RAB22A: variants seen among roughly 807,000 people sequenced by gnomAD.
The protein encoded by RAB22A is ras-related protein Rab-22A.
In RAB22A, 13 loss-of-function variants were observed where a neutral mutation model predicts 30.2. The ratio of observed to expected loss-of-function variants is 0.43; its 90% CI spans 0.28 to 0.68. The LOEUF (loss-of-function observed/expected upper bound fraction) is 0.68. RAB22A is among the 30% of genes least tolerant of loss of function. The probability of loss-of-function intolerance (pLI) is 0.18; values close to 1 mark genes in which losing one functional copy is unlikely to be tolerated. For synonymous variants in RAB22A, 89 were observed against 87.2 expected (o/e 1.02, Z -0.11); for missense variants, 177 against 246.8 (o/e 0.72, Z 1.89).
In RAB22A at chr20:58,317,663, A is replaced by G. The variant is rs537910893; in HGVS notation, c.116+6541A>G. ...AAGCTCCGCCTCCCGGGTTCATGCC[A>G]TTCTCCTGCCTCAGCCTCCCGAGTA... On this transcript the variant is annotated intron_variant, in intron 2 of 6. Coordinates refer to ENST00000244040, the MANE Select transcript of RAB22A (RefSeq NM_020673.3). Among the ~76,000 whole-genome samples the G allele has an allele frequency of 2.8e-5, 4 of 140,554 alleles. No individual in the cohort carries two copies. The East Asian group carries it at 8.4e-4, about 30-fold the overall frequency. The allele number at this position is 140,554 out of a possible 152,430, so 92.2% of individuals were successfully genotyped here. A position where few individuals can be genotyped will look rare whatever the true frequency, so the allele number is the denominator to read the frequency against.
In RAB22A at chr20:58,353,334, T is replaced by C. The variant is rs1568873649; in HGVS notation, c.260T>C (p.Ile87Thr). 1.9e-6 allele frequency: 3 copies of C among 1,613,862 alleles called. No individual in the cohort carries two copies. The highest frequency in any genetic ancestry group is 4.5e-5 in the East Asian group (2 of 44,888). The change falls in exon 4 of 7, where the codon ATC becomes ACC. Residue 87 changes from isoleucine to threonine, a missense_variant. Physicochemically the swap from Ile to Thr is moderately conservative, Grantham distance 89. Transcript: ENST00000244040. ...GSAAAIIVYD[I>T]TKEETFSTLK... ...GCTGCAGCTATAATCGTTTATGATA[T>C]CACAAAAGAAGTAAGACTATATAGT... is the stretch of plus-strand genomic sequence containing the variant.
intron 2 of RAB22A, among the ~76,000 whole-genome samples, chr20:58,339,813 A>G (rs1986824197): frequency 6.6e-6 from 1 of 152,152 alleles, no homozygotes; most frequent in Admixed American, 6.5e-5. Flanking sequence ...TTAAACTAAA[A>G]TCAAGCAGAT....
chr20:58,359,297 A>G (rs573834485), intron 6 of RAB22A, among the ~76,000 whole-genome samples: 41 of 152,170 alleles, frequency 2.7e-4, no homozygotes, highest in Non-Finnish European at 5.0e-4. Context: ...GAAGCAGGAC[A>G]TGTAGAAAAA....
At chr20:58,317,853 C>A (rs547535686) in intron 2 of RAB22A, among the ~76,000 whole-genome samples, 13 of 149,914 alleles carry the variant, frequency 8.7e-5, no homozygotes, top group Admixed American at 8.0e-4. Flanking sequence ...GCCTATTATT[C>A]TTTTTTAATT....
intron 2 of RAB22A, among the ~76,000 whole-genome samples, chr20:58,316,107 TTGTC>T (rs1434650139): frequency 6.6e-6 from 1 of 152,160 alleles, no homozygotes; most frequent in African/African-American, 2.4e-5. Flanking sequence ...AAATTCCTGA[TTGTC>T]TGTGCAAACT....
At chr20:58,342,578 C>T (rs997838195) in intron 2 of RAB22A, among the ~76,000 whole-genome samples, 3 of 151,612 alleles carry the variant, frequency 2.0e-5, no homozygotes, top group Middle Eastern at 3.4e-3. Flanking sequence ...AAAATGCCAG[C>T]CATTGAGTTC....
intron 3 of RAB22A, among the ~76,000 whole-genome samples, chr20:58,349,690 A>G (rs1183606561): frequency 6.6e-6 from 1 of 152,214 alleles, no homozygotes; most frequent in Non-Finnish European, 1.5e-5. Context: ...CCTTGGGAGT[A>G]GAAACCGTGT....
chr20:58,355,947 A>T (rs1396382594), intron 6 of RAB22A, among the ~76,000 whole-genome samples: 1 of 152,220 alleles, frequency 6.6e-6, no homozygotes. Context: ...AAAATGTCTA[A>T]GTGTGTGGTG....
chr20:58,320,521 T>C (rs1986433017), intron 2 of RAB22A, among the ~76,000 whole-genome samples: 1 of 152,224 alleles, frequency 6.6e-6, no homozygotes, highest in Admixed American at 6.5e-5. Flanking sequence ...TTATCAATTT[T>C]ATTCGTCTTC....
Position 58,353,282 on chromosome 20 carries a change from T to C in RAB22A, c.208T>C (p.Leu70=), listed in dbSNP as rs1204875865. The change falls in exon 4 of 7, where the codon TTA becomes CTA. Residue 70 remains leucine (L), a synonymous_variant. Coordinates refer to ENST00000244040, the MANE Select transcript of RAB22A (RefSeq NM_020673.3). ...DTAGQERFRA[L]APMYYRGSAA... ...TCCCCCTCCTCTGCAGTTTCGTGCC[T>C]TAGCACCAATGTACTATCGAGGGTC... The C allele has an allele frequency of 6.2e-7, 1 of 1,613,842 alleles. No homozygotes were observed. The highest frequency in any genetic ancestry group is 8.5e-7 in the Non-Finnish European group (1 of 1,179,946).
At chr20:58,347,687 T>C (rs1986975246) in intron 3 of RAB22A, among the ~76,000 whole-genome samples, 1 of 152,240 alleles carries the variant, frequency 6.6e-6, no homozygotes, top group Admixed American at 6.5e-5. Flanking sequence ...TTAAACTTGA[T>C]TTTACAATTT....
At chr20:58,322,386 C>G (rs562849796) in intron 2 of RAB22A, among the ~76,000 whole-genome samples, 1 of 152,274 alleles carries the variant, frequency 6.6e-6, no homozygotes, top group South Asian at 2.1e-4. Flanking sequence ...TTGCTACTAG[C>G]CACATGTTAA....
intron 2 of RAB22A, among the ~76,000 whole-genome samples, chr20:58,331,907 C>T (rs1368690233): frequency 6.6e-6 from 1 of 152,176 alleles, no homozygotes; most frequent in East Asian, 1.9e-4. Flanking sequence ...CACATATCTA[C>T]CACTGAACTC....
At chr20:58,343,205 C>G (rs1343500390) in intron 2 of RAB22A, among the ~76,000 whole-genome samples, 1 of 152,156 alleles carries the variant, frequency 6.6e-6, no homozygotes, top group East Asian at 1.9e-4. Flanking sequence ...GTTACTTCTC[C>G]AGCCATCTTC....
At chr20:58,327,100 G>A (rs1600728078) in intron 2 of RAB22A, among the ~76,000 whole-genome samples, 1 of 152,150 alleles carries the variant, frequency 6.6e-6, no homozygotes, top group East Asian at 1.9e-4. Flanking sequence ...TGAGACCAGT[G>A]TGGGCAATAT....
chr20:58,353,727 G>A (rs1044743107), intron 5 of RAB22A, among the ~76,000 whole-genome samples, 189 bp downstream of exon 5: 3 of 152,150 alleles, frequency 2.0e-5, no homozygotes, highest in Non-Finnish European at 4.4e-5. Flanking sequence ...ATTATATTAT[G>A]TATACAGACA....
At chr20:58,350,400 T>A (rs1045551662) in intron 3 of RAB22A, among the ~76,000 whole-genome samples, 2 of 152,184 alleles carry the variant, frequency 1.3e-5, no homozygotes, top group South Asian at 4.1e-4. Context: ...AAATAATGGC[T>A]GAAAATTTCC....
Position 58,310,010 on chromosome 20 carries a change from G to C in RAB22A, c.34G>C (p.Gly12Arg). 2 of 1,277,086 alleles carry C rather than the reference G, an allele frequency of 1.6e-6. No individual in the cohort carries two copies. Among genetic ancestry groups the C allele is most frequent in the Non-Finnish European group, 2.0e-6 (2 of 1,005,316 alleles). The allele number at this position is 1,277,086 out of a possible 1,614,324, so 79.1% of individuals were successfully genotyped here. The change falls in exon 1 of 7, where the codon GGG (glycine) becomes CGG (arginine). Residue 12 changes from glycine to arginine, a missense_variant and splice_region_variant. Gly to Arg is a moderately radical substitution (Grantham distance 125). Coordinates refer to ENST00000244040, the MANE Select transcript of RAB22A (RefSeq NM_020673.3). ...GAGGGAGCTCAAAGTGTGTCTGCTC[G>C]GGGTGAGTGGCGGCGGGTCCGGCCG... ...ALRELKVCLL[G>R]DTGVGKSSIV...
Position 58,353,487 on chromosome 20 carries a change from C to T in RAB22A, c.326C>T (p.Pro109Leu), listed in dbSNP as rs765175475. 2.5e-6 allele frequency: 4 copies of T among 1,613,284 alleles called. No homozygotes were observed. The highest frequency in any genetic ancestry group is 2.5e-6 in the Non-Finnish European group (3 of 1,179,270). The change falls in exon 5 of 7, where the codon CCT becomes CTT. Residue 109 changes from proline to leucine, a missense_variant. Coordinates refer to ENST00000244040, the MANE Select transcript of RAB22A (RefSeq NM_020673.3). ...WVKELRQHGP[P>L]NIVVAIAGNK... is the part of the protein sequence containing the mutation. ...AAAGAGCTTCGACAGCATGGCCCAC[C>T]TAATATTGTAGTTGCCATTGCAGGA...
Sources: gnomAD v4.1 joint callset for allele counts (sites outside exome capture counted in the v4.1 genomes callset) on GRCh38, gnomAD v4.1.1 for gene constraint, MANE v1.5 for transcripts, NCBI Gene and HGNC (gene_info 2026-07-23, HGNC 2026-07-21) for gene names.